USP43: variants seen among roughly 807,000 people sequenced by gnomAD.
USP43 encodes ubiquitin carboxyl-terminal hydrolase 43.
In USP43, 33 loss-of-function variants were observed where a neutral mutation model predicts 90.7. The ratio of observed to expected loss-of-function variants is 0.36; its 90% CI spans 0.28 to 0.49. The LOEUF (loss-of-function observed/expected upper bound fraction) is 0.49. Ranked by LOEUF, USP43 falls within the 20% of genes least tolerant of loss-of-function variation. The probability of loss-of-function intolerance (pLI) is 0.98; values close to 1 mark genes in which losing one functional copy is unlikely to be tolerated. For missense variants in USP43, 1,274 were observed against 1,476.4 expected (o/e 0.86, Z 2.25); for synonymous variants, 598 against 615.8 (o/e 0.97, Z 0.43).
At chr17:9,657,642 CT>C (rs1912356586) in intron 2 of USP43, among the ~76,000 whole-genome samples, 1 of 152,104 alleles carries the variant, frequency 6.6e-6, no homozygotes, top group Admixed American at 6.5e-5. Flanking sequence ...AAGTACGTAC[CT>C]CCTTCACAAG....
chr17:9,708,113 C>A (rs1035437013), intron 12 of USP43, among the ~76,000 whole-genome samples: 6 of 152,184 alleles, frequency 3.9e-5, no homozygotes, highest in African/African-American at 1.4e-4. Context: ...TGTGCAAAGG[C>A]CCTGAGGCAG....
chr17:9,703,782 TG>T (rs1045154700), intron 12 of USP43, among the ~76,000 whole-genome samples: 10 of 152,200 alleles, frequency 6.6e-5, no homozygotes, highest in African/African-American at 2.4e-4. Context: ...GCTTCAAACC[TG>T]GGCCACCCTG....
rs938682193 is a variant in USP43 at position 9,701,062 on chromosome 17, C to T, written c.1536-57C>T. The T allele has an allele frequency of 1.1e-5, 16 of 1,436,220 alleles. No homozygotes were observed. Among genetic ancestry groups the T allele is most frequent in the Admixed American group, 2.9e-5 (1 of 34,360 alleles). 89.0% of individuals were successfully genotyped at this position (1,436,220 alleles called of 1,614,324 possible). ...GGTTTGCTGTGAGTAGAGACATAGACGAAACCTGTCTGGGAGCAGGAAAGT... is the reference window on the plus strand; with the variant it reads ...GGTTTGCTGTGAGTAGAGACATAGATGAAACCTGTCTGGGAGCAGGAAAGT... On this transcript the variant is annotated intron_variant, in intron 10 of 14. Transcript: ENST00000285199. The surrounding 1 kb of genome is among the most constrained non-coding windows in gnomAD (Gnocchi z 7.2).
chr17:9,651,916 TAG>T (rs1911888537), intron 1 of USP43, among the ~76,000 whole-genome samples: 4 of 152,008 alleles, frequency 2.6e-5, no homozygotes, highest in South Asian at 2.1e-4. Flanking sequence ...AGATAGAAGG[TAG>T]AAAATCAAAG....
At chr17:9,691,076 T>C (rs1224684384) in intron 8 of USP43, among the ~76,000 whole-genome samples, 1 of 152,064 alleles carries the variant, frequency 6.6e-6, no homozygotes, top group Non-Finnish European at 1.5e-5. Context: ...TCAAGGGTCA[T>C]CTGTGTTGTA....
Position 9,701,796 on chromosome 17 carries a change from C to T in USP43, c.2011+96C>T. The T allele has an allele frequency of 2.7e-6, 3 of 1,121,734 alleles. No homozygotes were observed. Among genetic ancestry groups the T allele is most frequent in the Non-Finnish European group, 3.7e-6 (3 of 810,792 alleles). 69.5% of individuals were successfully genotyped at this position (1,121,734 alleles called of 1,614,324 possible). A position where few individuals can be genotyped will look rare whatever the true frequency, so the allele number is the denominator to read the frequency against. Reference sequence around the variant, plus strand: ...TGCTCAGATGCTGAGCTCCCTGGGGCACTTATTGAGATCCGACCCCTCACC... The same window carrying T: ...TGCTCAGATGCTGAGCTCCCTGGGGTACTTATTGAGATCCGACCCCTCACC... On this transcript the variant is annotated intron_variant, in intron 12 of 14. Coordinates refer to ENST00000285199, the MANE Select transcript of USP43 (RefSeq NM_153210.5). This position sits in a 1 kb window ranked among gnomAD's most constrained non-coding sequence, Gnocchi z 7.2.
chr17:9,658,887 GA>G (rs1339517730), intron 2 of USP43, among the ~76,000 whole-genome samples: 3 of 152,162 alleles, frequency 2.0e-5, no homozygotes, highest in Non-Finnish European at 4.4e-5. Flanking sequence ...ATGGTAAGAA[GA>G]TGGCCTTCTG....
At chr17:9,667,305 G>T in intron 3 of USP43, among the ~76,000 whole-genome samples, 1 of 152,010 alleles carries the variant, frequency 6.6e-6, no homozygotes, top group Non-Finnish European at 1.5e-5. Flanking sequence ...GACCCAGGAG[G>T]TCAAGGCTGT....
rs1453250315 is a variant in USP43 at position 9,674,456 on chromosome 17, C to T, written c.741-435C>T. Reference sequence around the variant, plus strand: ...CCTTCCCTCAGCTCCTGGCAACCACCAATTTGCTTTCTGTGTCTATGGCAT... The same window carrying T: ...CCTTCCCTCAGCTCCTGGCAACCACTAATTTGCTTTCTGTGTCTATGGCAT... On this transcript the variant is annotated intron_variant, in intron 3 of 14. Coordinates refer to ENST00000285199, the MANE Select transcript of USP43 (RefSeq NM_153210.5). This position sits in a 1 kb window ranked among gnomAD's most constrained non-coding sequence, Gnocchi z 4.4. 6.6e-6 allele frequency among the ~76,000 whole-genome samples: 1 copy of T among 152,144 alleles called. No individual in the cohort carries two copies. The highest frequency in any genetic ancestry group is 1.5e-5 in the Non-Finnish European group (1 of 68,024).
At chr17:9,665,253 C>T (rs1186884583) in intron 2 of USP43, among the ~76,000 whole-genome samples, 3 of 152,160 alleles carry the variant, frequency 2.0e-5, no homozygotes, top group African/African-American at 2.4e-5. Flanking sequence ...AGGTCCTAAT[C>T]GCTGCATCTT....
chr17:9,717,433 T>C (rs1008288950), intron 14 of USP43, among the ~76,000 whole-genome samples: 1 of 152,126 alleles, frequency 6.6e-6, no homozygotes, highest in African/African-American at 2.4e-5. Context: ...ATGTCATCAT[T>C]TGTATCCAAG....
In USP43 at chr17:9,728,915, T is replaced by C; in HGVS notation, c.3297T>C (p.Tyr1099=). ...CTGTTCCAGGGGAGCAGGCTTCTTA[T>C]GGCACCTTTCAGAGAGTCAAATATC... ...QRTVPGEQAS[Y]GTFQRVKYHT... Residue 1099 remains tyrosine, a synonymous_variant, in exon 15 of 15, where the codon TAT becomes TAC. Coordinates refer to ENST00000285199, the MANE Select transcript of USP43 (RefSeq NM_153210.5). The surrounding 1 kb of genome is among the most constrained non-coding windows in gnomAD (Gnocchi z 6.2). 2 of 1,612,110 alleles carry C rather than the reference T, an allele frequency of 1.2e-6. No homozygotes were observed. Among genetic ancestry groups the C allele is most frequent in the Non-Finnish European group, 8.5e-7 (1 of 1,178,848 alleles).
Position 9,675,993 on chromosome 17 carries a change from C to T in USP43, c.834-753C>T, listed in dbSNP as rs537558292. ...TGTGACTTGGGCAGTTATTGGAGTACAGATCAAGAGAAACAGTAGCTGCAA... is the reference window on the plus strand; with the variant it reads ...TGTGACTTGGGCAGTTATTGGAGTATAGATCAAGAGAAACAGTAGCTGCAA... On this transcript the variant is annotated intron_variant, in intron 4 of 14. Coordinates refer to ENST00000285199, the MANE Select transcript of USP43 (RefSeq NM_153210.5). Among the ~76,000 whole-genome samples, 11 of 152,122 alleles carry T rather than the reference C, an allele frequency of 7.2e-5. No homozygotes were observed. The South Asian group carries it at 2.3e-3, about 32-fold the overall frequency.
intron 14 of USP43, among the ~76,000 whole-genome samples, chr17:9,721,249 G>C (rs1251818338): frequency 2.0e-5 from 3 of 152,124 alleles, no homozygotes; most frequent in Non-Finnish European, 4.4e-5. Flanking sequence ...CTGATGATAA[G>C]TTTCCTCTAT....
At chr17:9,672,184 A>G (rs2151970936) in intron 3 of USP43, among the ~76,000 whole-genome samples, 1 of 152,160 alleles carries the variant, frequency 6.6e-6, no homozygotes, top group Admixed American at 6.5e-5. Context: ...TTTAGTAGAG[A>G]TGGGGTTTCA....
intron 12 of USP43, among the ~76,000 whole-genome samples, chr17:9,705,305 T>TC (rs937168614): frequency 3.3e-5 from 5 of 151,860 alleles, no homozygotes; most frequent in Non-Finnish European, 7.4e-5. Flanking sequence ...TTTTTTTTTT[T>TC]CTCTCTGAAA....
At chr17:9,667,329 G>A (rs762546366) in intron 3 of USP43, among the ~76,000 whole-genome samples, 234 of 151,926 alleles carry the variant, frequency 1.5e-3, no homozygotes, top group Non-Finnish European at 2.7e-3. Context: ...CGAGGCTGGC[G>A]TACAGTGAGC....
intron 14 of USP43, among the ~76,000 whole-genome samples, chr17:9,720,463 C>G (rs749815563): frequency 2.0e-5 from 3 of 150,736 alleles, no homozygotes; most frequent in Non-Finnish European, 2.9e-5. Context: ...TTCCCACTAT[C>G]ATGAGTTTGC....
intron 6 of USP43, among the ~76,000 whole-genome samples, chr17:9,681,705 G>A (rs966320603): frequency 6.6e-6 from 1 of 151,236 alleles, no homozygotes; most frequent in Admixed American, 6.6e-5. Context: ...TGTTGGCCAG[G>A]CTGGTCTCGA....
Sources: allele counts gnomAD v4.1 joint callset (sites outside exome capture counted in the v4.1 genomes callset), GRCh38; gene constraint gnomAD v4.1.1; non-coding constraint Gnocchi (gnomAD v3.1); transcripts MANE v1.5; gene names NCBI Gene and HGNC (gene_info 2026-07-23, HGNC 2026-07-21).